ZNF804B: variants seen among roughly 807,000 people sequenced by gnomAD.
The protein encoded by ZNF804B is zinc finger 804B.
A neutral mutation model predicts 101.4 loss-of-function variants in ZNF804B; 80 were observed. The observed-to-expected ratio is 0.79, with a 90% CI of 0.66 to 0.95. The LOEUF is 0.95. ZNF804B is among the 40% of genes least tolerant of loss of function. ZNF804B has a pLI of 0.00. For missense variants in ZNF804B, 1,673 were observed against 1,561.9 expected, an observed-to-expected ratio of 1.07 and a Z score of -1.20; for synonymous variants, 622 against 558.8, an observed-to-expected ratio of 1.11 and a Z score of -1.59.
intron 1 of ZNF804B, among the ~76,000 whole-genome samples, chr7:89,032,788 T>C (rs1261944389): frequency 6.6e-6 from 1 of 152,020 alleles, no homozygotes; most frequent in Non-Finnish European, 1.5e-5. Context: ...ATGCAGAAAC[T>C]TTTACTTTAT....
At chr7:88,963,130 C>T (rs1793411675) in intron 1 of ZNF804B, among the ~76,000 whole-genome samples, 1 of 151,056 alleles carries the variant, frequency 6.6e-6, no homozygotes, top group African/African-American at 2.4e-5. Flanking sequence ...ATAATTCCTA[C>T]CAAAATCCCA....
intron 1 of ZNF804B, among the ~76,000 whole-genome samples, chr7:89,147,457 T>C (rs1790808262): frequency 6.6e-6 from 1 of 152,118 alleles, no homozygotes; most frequent in African/African-American, 2.4e-5. Context: ...CAAAATTGTT[T>C]TCATGTTGAA....
At chr7:89,242,293 T>A (rs2115766360) in intron 2 of ZNF804B, among the ~76,000 whole-genome samples, 1 of 152,116 alleles carries the variant, frequency 6.6e-6, no homozygotes, top group Middle Eastern at 3.4e-3. Context: ...TGGCTTTAAT[T>A]GAATCTAAAT....
chr7:88,980,314 T>C (rs575674739), intron 1 of ZNF804B, among the ~76,000 whole-genome samples: 1 of 152,160 alleles, frequency 6.6e-6, no homozygotes, highest in East Asian at 1.9e-4. Flanking sequence ...TGGTGCCTTA[T>C]TTAGTTTGAT....
chr7:89,033,104 C>G (rs1204967573), intron 1 of ZNF804B, among the ~76,000 whole-genome samples: 1 of 151,546 alleles, frequency 6.6e-6, no homozygotes, highest in Non-Finnish European at 1.5e-5. Flanking sequence ...CTTCATCTTT[C>G]CATCACCCCC....
chr7:89,150,533 A>G (rs1230336628), intron 1 of ZNF804B, among the ~76,000 whole-genome samples: 7 of 152,118 alleles, frequency 4.6e-5, no homozygotes, highest in Non-Finnish European at 1.5e-5. Flanking sequence ...TAGGTAGATC[A>G]TTTAACCCTG....
intron 1 of ZNF804B, among the ~76,000 whole-genome samples, chr7:88,864,194 T>A (rs961925927): frequency 5.3e-5 from 8 of 152,234 alleles, no homozygotes; most frequent in African/African-American, 1.9e-4. Flanking sequence ...TAACAATGTC[T>A]TGAGAGTAGG....
intron 1 of ZNF804B, among the ~76,000 whole-genome samples, chr7:88,930,651 G>A (rs1792869459): frequency 1.3e-5 from 2 of 151,806 alleles, no homozygotes; most frequent in Admixed American, 1.3e-4. Flanking sequence ...CGTGTTTTGT[G>A]GTAGTTGATA....
At chr7:88,781,989 A>G (rs1288153094) in intron 1 of ZNF804B, among the ~76,000 whole-genome samples, 2 of 152,122 alleles carry the variant, frequency 1.3e-5, no homozygotes, top group African/African-American at 4.8e-5. Context: ...TTTATAGTCT[A>G]TTTCCAAATA....
In ZNF804B at chr7:89,186,563, A is replaced by C. The variant is rs1440828204; in HGVS notation, c.109-31592A>C. 2.6e-5 allele frequency among the ~76,000 whole-genome samples: 4 copies of C among 152,014 alleles called. No individual in the cohort carries two copies. In the East Asian group the frequency reaches 7.8e-4, roughly 29 times the overall value. Reference sequence around the variant, plus strand: ...CAAAACTAAACACTTAAGTATGAATACTTTCAGATTTTATTTTCCCCTGTA... The same window carrying C: ...CAAAACTAAACACTTAAGTATGAATCCTTTCAGATTTTATTTTCCCCTGTA... On this transcript the variant is annotated intron_variant, in intron 1 of 3. Coordinates refer to ENST00000333190, the MANE Select transcript of ZNF804B (RefSeq NM_181646.5).
At chr7:89,238,315 A>G (rs566155311) in intron 2 of ZNF804B, among the ~76,000 whole-genome samples, 3 of 152,268 alleles carry the variant, frequency 2.0e-5, no homozygotes, top group Non-Finnish European at 4.4e-5. Context: ...ATGAAACTAC[A>G]TCTGATGAAC....
intron 1 of ZNF804B, among the ~76,000 whole-genome samples, chr7:89,120,538 G>C (rs1790387330): frequency 6.7e-6 from 1 of 150,100 alleles, no homozygotes. Context: ...GGTGCCTGTA[G>C]TCCCAGCTCC....
chr7:89,009,915 G>A (rs969278137), intron 1 of ZNF804B, among the ~76,000 whole-genome samples: 2 of 152,078 alleles, frequency 1.3e-5, no homozygotes, highest in African/African-American at 4.8e-5. Context: ...AAATCCCATG[G>A]GAGAGAAGAA....
chr7:88,976,325 G>T (rs552831685), intron 1 of ZNF804B, among the ~76,000 whole-genome samples: 1 of 151,606 alleles, frequency 6.6e-6, no homozygotes, highest in Admixed American at 6.6e-5. Context: ...AATTGAATTT[G>T]TAGATTTCTT....
chr7:89,199,078 G>T (rs1453054837), intron 1 of ZNF804B, among the ~76,000 whole-genome samples: 1 of 151,794 alleles, frequency 6.6e-6, no homozygotes, highest in Non-Finnish European at 1.5e-5. Flanking sequence ...TTAGTTTGCA[G>T]CACAAAGACT....
At chr7:89,325,689 G>A (rs1052165231) in intron 2 of ZNF804B, among the ~76,000 whole-genome samples, 4 of 151,836 alleles carry the variant, frequency 2.6e-5, no homozygotes, top group Non-Finnish European at 5.9e-5. Context: ...GTGAGTAAAT[G>A]AATCAATTTC....
intron 1 of ZNF804B, among the ~76,000 whole-genome samples, chr7:88,827,282 A>G (rs1364315337): frequency 6.6e-6 from 1 of 151,772 alleles, no homozygotes; most frequent in Non-Finnish European, 1.5e-5. Flanking sequence ...TTTTTGATAC[A>G]GATTAAAATA....
intron 1 of ZNF804B, among the ~76,000 whole-genome samples, chr7:88,860,908 GT>G (rs1434471028): frequency 6.6e-6 from 1 of 152,120 alleles, no homozygotes; most frequent in African/African-American, 2.4e-5. Flanking sequence ...GAATGGTACA[GT>G]TTTATGCTTT....
At chr7:89,042,534 G>A (rs146835899) in intron 1 of ZNF804B, among the ~76,000 whole-genome samples, 1 of 152,040 alleles carries the variant, frequency 6.6e-6, no homozygotes, top group Non-Finnish European at 1.5e-5. Flanking sequence ...TTAAAGGCTT[G>A]AATTTCTAAT....
Sources: allele counts gnomAD v4.1 joint callset (sites outside exome capture counted in the v4.1 genomes callset), GRCh38; gene constraint gnomAD v4.1.1; transcripts MANE v1.5; gene names NCBI Gene and HGNC (gene_info 2026-07-23, HGNC 2026-07-21).